Variants in ARFGAP2 observed in about 807,000 individuals in gnomAD.
The protein encoded by ARFGAP2 is ADP-ribosylation factor GTPase-activating protein 2.
Under a neutral mutation model 71.9 loss-of-function variants are expected in ARFGAP2, and 45 were observed. The ratio of observed to expected loss-of-function variants is 0.63; its 90% CI spans 0.49 to 0.80. The LOEUF is 0.80. Among genes scored for constraint, ARFGAP2 ranks in the 30% least tolerant of loss-of-function variants. The pLI, the probability that ARFGAP2 is intolerant of heterozygous loss-of-function variation, is 0.00. For missense variants in ARFGAP2, 633 were observed against 673.9 expected (o/e 0.94, Z 0.67); for synonymous variants, 248 against 249.2 (o/e 1.00, Z 0.05).
chr11:47,171,393 C>G, intron 10 of ARFGAP2, 33 bp downstream of exon 10: 1 of 1,611,306 alleles, frequency 6.2e-7, no homozygotes, highest in Non-Finnish European at 8.5e-7. Flanking sequence ...AAAACAACGG[C>G]ATTTCCCTGC....
rs1952457702 is a variant in ARFGAP2 at position 47,168,056 on chromosome 11, T to C, written c.1071-13A>G. 6.8e-6 allele frequency: 11 copies of C among 1,614,044 alleles called. No homozygotes were observed. In the East Asian group the frequency reaches 2.2e-4, roughly 33 times the overall value. ...ATTGTCCTTGTACCTAGGGAGACAG[T>C]AGAGTGGCTCAGAGAAGCCTGATGA... On this transcript the variant is annotated splice_polypyrimidine_tract_variant and intron_variant, in intron 11 of 15. Coordinates refer to ENST00000524782, the MANE Select transcript of ARFGAP2 (RefSeq NM_032389.6).
intron 5 of ARFGAP2, chr11:47,174,405 T>C (rs1272938472): frequency 4.4e-5 from 3 of 67,416 alleles, no homozygotes; most frequent in East Asian, 5.1e-4. Flanking sequence ...TTTTTTTTTT[T>C]TGAGACGGAG....
chr11:47,166,640 G>A (rs1432266231), intron 13 of ARFGAP2, 41 bp from the exon 14 acceptor site: 1 of 1,605,962 alleles, frequency 6.2e-7, no homozygotes, highest in Admixed American at 1.7e-5. Flanking sequence ...TCTTGGGGCT[G>A]ATGACCCAAG....
intron 1 of ARFGAP2, 52 bp downstream of exon 1, chr11:47,176,730 T>G: frequency 1.2e-6 from 2 of 1,612,366 alleles, no homozygotes; most frequent in Non-Finnish European, 1.7e-6. Context: ...CCCTTCTCCC[T>G]CCCTCAGGCC....
In ARFGAP2 at chr11:47,168,235, C is replaced by T. The variant is rs373135315; in HGVS notation, c.958G>A (p.Val320Met). The T allele has an allele frequency of 1.2e-5, 19 of 1,614,062 alleles. No individual in the cohort carries two copies. The highest frequency in any genetic ancestry group is 2.7e-5 in the African/African-American group (2 of 74,932). ...LVSRSSVSHS[V>M]LSEMQVIEQE... ...TCAATCACCTGCATCTCAGACAGCA[C>T]GGAGTGGGAGACAGAGCTGCGCAGC... is the stretch of plus-strand genomic sequence containing the variant. The change falls in exon 11 of 16, where the codon GTG becomes ATG. Residue 320 changes from valine to methionine, a missense_variant. By Grantham distance (21) the Val-to-Met change is conservative. Transcript: ENST00000524782.
intron 6 of ARFGAP2, 107 bp downstream of exon 6, chr11:47,173,652 G>C: frequency 2.1e-6 from 3 of 1,446,148 alleles, no homozygotes; most frequent in Non-Finnish European, 2.8e-6. Context: ...CCCACCCAAA[G>C]ATACAGGAGG....
intron 2 of ARFGAP2, chr11:47,176,313 TG>T: frequency 1.7e-6 from 1 of 605,460 alleles, no homozygotes; most frequent in South Asian, 2.0e-5. Context: ...GAGGAAGTTT[TG>T]GCCCAGAGGC....
chr11:47,166,886 T>C lies in ARFGAP2; in HGVS notation c.1206A>G (p.Arg402=). ...TISSIRPISE[R]ATNRREVESR... is the part of the protein sequence containing the mutation. Reference sequence around the variant, plus strand: ...TCTCCACTTCCCTCCGGTTTGTGGCTCTGAGGGGAAGATGTGGAATATCTC... The same window carrying C: ...TCTCCACTTCCCTCCGGTTTGTGGCCCTGAGGGGAAGATGTGGAATATCTC... Residue 402 remains arginine (R), a splice_region_variant and synonymous_variant, in exon 13 of 16, where the codon AGA becomes AGG. Transcript: ENST00000524782. The C allele has an allele frequency of 6.2e-7, 1 of 1,613,054 alleles. No homozygotes were observed. Among genetic ancestry groups the C allele is most frequent in the Non-Finnish European group, 8.5e-7 (1 of 1,179,694 alleles).
intron 10 of ARFGAP2, among the ~76,000 whole-genome samples, chr11:47,170,323 CAAAA>C (rs34843394): frequency 2.7e-5 from 2 of 73,950 alleles, no homozygotes; most frequent in Admixed American, 1.6e-4. Context: ...GACTCCATCT[CAAAA>C]AAAAAAAAAA....
At position 47,175,863 on chromosome 11, in the gene ARFGAP2, C is replaced by T. The variant is rs748281467; in HGVS notation, c.252G>A (p.Gly84=). The T allele has an allele frequency of 6.2e-7, 1 of 1,614,138 alleles. No homozygotes were observed. The highest frequency in any genetic ancestry group is 8.5e-7 in the Non-Finnish European group (1 of 1,180,020). ...GAAGGAGCTTTACCGCATTGGCATTCCCGCCGACCTGCATACACCTCAGCT... is the reference window on the plus strand; with the variant it reads ...GAAGGAGCTTTACCGCATTGGCATTTCCGCCGACCTGCATACACCTCAGCT... ...WFQLRCMQVG[G]NANATAFFRQ... Residue 84 remains glycine, a synonymous_variant, in exon 3 of 16, where the codon GGG becomes GGA. Transcript: ENST00000524782.
chr11:47,167,780 A>G, intron 12 of ARFGAP2, 129 bp downstream of exon 12: 1 of 1,230,914 alleles, frequency 8.1e-7, no homozygotes, highest in Admixed American at 2.8e-5. Flanking sequence ...TGGCTACCAT[A>G]TTAAACAACA....
intron 3 of ARFGAP2, chr11:47,175,585 A>G (rs1004711964): frequency 4.8e-6 from 3 of 627,118 alleles, no homozygotes; most frequent in Non-Finnish European, 8.2e-6. Flanking sequence ...TCCTTCATCC[A>G]GGGCAGGCCC....
intron 10 of ARFGAP2, among the ~76,000 whole-genome samples, chr11:47,168,778 C>G (rs143197751): frequency 2.0e-5 from 3 of 152,194 alleles, no homozygotes; most frequent in African/African-American, 2.4e-5. Flanking sequence ...CCGCCTTGGC[C>G]TCCAAAAGTG....
At chr11:47,174,043 C>T in intron 5 of ARFGAP2, 1 of 940,718 alleles carries the variant, frequency 1.1e-6, no homozygotes, top group South Asian at 1.6e-5. Flanking sequence ...AACCCCTTCA[C>T]TATTTACTTA....
At position 47,166,295 on chromosome 11, in the gene ARFGAP2, C is replaced by T. The variant is rs1952372731; in HGVS notation, c.1518G>A (p.Leu506=). 3 of 1,614,230 alleles carry T rather than the reference C, an allele frequency of 1.9e-6. No individual in the cohort carries two copies. The highest frequency in any genetic ancestry group is 1.7e-6 in the Non-Finnish European group (2 of 1,180,042). Residue 506 remains leucine, a synonymous_variant, in exon 15 of 16, where the codon CTG becomes CTA. Transcript: ENST00000524782. The stretch of plus-strand genomic sequence containing the variant: ...GCAAGGAATTCATCACACCATTGGC[C>T]AGCACAGCCATTTTCCCAGCCACAG... ...VKSVAGKMAV[L]ANGVMNSLQD...
chr11:47,175,116 C>T lies in ARFGAP2; in HGVS notation c.397-18G>A. On this transcript the variant is annotated intron_variant, in intron 4 of 15. Coordinates refer to ENST00000524782, the MANE Select transcript of ARFGAP2 (RefSeq NM_032389.6). ...ATCCAAAGCTAGAAAGGAGAAGACA[C>T]CCCTAAAACACAGGGCTCTGAATAC... 4 of 1,614,170 alleles carry T rather than the reference C, an allele frequency of 2.5e-6. No homozygotes were observed. The highest frequency in any genetic ancestry group is 1.7e-6 in the Non-Finnish European group (2 of 1,180,022).
intron 14 of ARFGAP2, 24 bp from the exon 15 acceptor site, chr11:47,166,410 C>T (rs771702687): frequency 6.2e-7 from 1 of 1,612,646 alleles, no homozygotes; most frequent in Admixed American, 1.7e-5. Context: ...GCAGGGTGAC[C>T]CAGAGCCCAG....
At chr11:47,175,443 C>T (rs1282796533) in intron 3 of ARFGAP2, 130 bp from the exon 4 acceptor site, 1 of 1,402,948 alleles carries the variant, frequency 7.1e-7, no homozygotes, top group Non-Finnish European at 1.0e-6. Context: ...CTACTGACAC[C>T]GGTTTTTCAG....
intron 2 of ARFGAP2, 85 bp downstream of exon 2, chr11:47,176,431 C>A: frequency 7.5e-7 from 1 of 1,326,242 alleles, no homozygotes. Flanking sequence ...TCAGAGCGGC[C>A]CAAGTCGAGG....
Sources: allele counts gnomAD v4.1 joint callset (sites outside exome capture counted in the v4.1 genomes callset), GRCh38; gene constraint gnomAD v4.1.1; transcripts MANE v1.5; gene names NCBI Gene and HGNC (gene_info 2026-07-23, HGNC 2026-07-21).